The following FANCE variants were observed in gnomAD, a reference collection of about 807,000 sequenced individuals.
FANCE encodes FA complementation group E, also known as Fanconi anemia group E protein.
FANCE carries 42 observed loss-of-function variants against 57.8 expected under a neutral mutation model. That is an observed-to-expected ratio of 0.73 (90% CI 0.57 to 0.94). The LOEUF (loss-of-function observed/expected upper bound fraction) is 0.94. FANCE is among the 40% of genes least tolerant of loss of function. The pLI is 0.00. For missense variants in FANCE, 608 were observed against 661.8 expected (o/e 0.92, Z 0.89); for synonymous variants, 251 against 286.4 (o/e 0.88, Z 1.25).
At chr6:35,457,108 G>A (rs746934079) in intron 2 of FANCE, among the ~76,000 whole-genome samples, 1 of 152,006 alleles carries the variant, frequency 6.6e-6, no homozygotes, top group Non-Finnish European at 1.5e-5. Flanking sequence ...TTTCAAGATA[G>A]AGACTTCATG....
chr6:35,457,954 A>G lies in FANCE; in HGVS notation c.939A>G (p.Leu313=). The G allele has an allele frequency of 6.2e-7, 1 of 1,614,188 alleles. No individual in the cohort carries two copies. Among genetic ancestry groups the G allele is most frequent in the Non-Finnish European group, 8.5e-7 (1 of 1,180,014 alleles). ...EGLEDAPPVE[L]QLLHECSPSQ... is the part of the protein sequence containing the mutation. Reference sequence around the variant, plus strand: ...TGGAGGATGCCCCCCCAGTTGAGCTACAGCTTCTTCACGAATGTAGTCCCA... The same window carrying G: ...TGGAGGATGCCCCCCCAGTTGAGCTGCAGCTTCTTCACGAATGTAGTCCCA... Residue 313 remains leucine, a synonymous_variant, in exon 4 of 10, where the codon CTA becomes CTG. Coordinates refer to ENST00000229769, the MANE Select transcript of FANCE (RefSeq NM_021922.3).
intron 9 of FANCE, 74 bp downstream of exon 9, chr6:35,462,988 T>TA: frequency 6.2e-7 from 1 of 1,601,376 alleles, no homozygotes; most frequent in Non-Finnish European, 8.5e-7. Context: ...GGTGTATGAA[T>TA]ATGTATGTCA....
intron 8 of FANCE, among the ~76,000 whole-genome samples, chr6:35,461,682 C>G (rs1341647420): frequency 2.7e-5 from 4 of 147,172 alleles, no homozygotes; most frequent in African/African-American, 1.0e-4. Flanking sequence ...GAGTCTCGCT[C>G]TGTTGCCCAG....
intron 4 of FANCE, 47 bp from the exon 5 acceptor site, chr6:35,458,250 A>C: frequency 1.2e-6 from 2 of 1,609,398 alleles, no homozygotes; most frequent in South Asian, 1.1e-5. Flanking sequence ...TAGCAGAGGC[A>C]GAGTGCATGT....
chr6:35,457,831 C>T lies in FANCE; in HGVS notation c.901-85C>T, dbSNP rs1051915832. 1.6e-5 allele frequency: 20 copies of T among 1,241,158 alleles called. No homozygotes were observed. In the Admixed American group the frequency reaches 2.2e-4, roughly 14 times the overall value. 76.9% of individuals were successfully genotyped at this position (1,241,158 alleles called of 1,614,324 possible). A position where few individuals can be genotyped will look rare whatever the true frequency, so the allele number is the denominator to read the frequency against. On this transcript the variant is annotated intron_variant, in intron 3 of 9. Transcript: ENST00000229769. ...GGTAGTGCCTTCCAGGATCTCAGGCCACTCCTTCTGCCACCTGAAGGGGTG... is the reference window on the plus strand; with the variant it reads ...GGTAGTGCCTTCCAGGATCTCAGGCTACTCCTTCTGCCACCTGAAGGGGTG...
chr6:35,454,304 G>A (rs761174597), intron 1 of FANCE, among the ~76,000 whole-genome samples: 1 of 152,140 alleles, frequency 6.6e-6, no homozygotes, highest in African/African-American at 2.4e-5. Context: ...CACCCACCTC[G>A]TGATCCACCT....
rs950301098 is a variant in FANCE at position 35,452,610 on chromosome 6, T to C, written c.65T>C (p.Leu22Pro). Reference protein sequence around the residue: ...EGVEPAPWAQLEAPARLLLQA... With the variant: ...EGVEPAPWAQPEAPARLLLQA... ...GTGGAGCCGGCGCCCTGGGCGCAGCTGGAGGCCCCCGCCCGCCTCCTGCTG... is the reference window on the plus strand; with the variant it reads ...GTGGAGCCGGCGCCCTGGGCGCAGCCGGAGGCCCCCGCCCGCCTCCTGCTG... The change falls in exon 1 of 10, where the codon CTG becomes CCG. Residue 22 changes from leucine to proline, a missense_variant. Physicochemically the swap from Leu to Pro is moderately conservative, Grantham distance 98 (BLOSUM62 -3). Transcript: ENST00000229769. 86 of 1,300,006 alleles carry C rather than the reference T, an allele frequency of 6.6e-5. No homozygotes were observed. In the African/African-American group the frequency reaches 1.2e-3, roughly 18 times the overall value. 80.5% of individuals were successfully genotyped at this position (1,300,006 alleles called of 1,614,324 possible). A position where few individuals can be genotyped will look rare whatever the true frequency, so the allele number is the denominator to read the frequency against.
intron 6 of FANCE, 110 bp downstream of exon 6, chr6:35,459,564 C>T (rs1767503364): frequency 1.9e-6 from 3 of 1,583,710 alleles, no homozygotes; most frequent in Non-Finnish European, 1.7e-6. Context: ...TTAAAGATGC[C>T]TGCTGCTTCC....
chr6:35,458,527 A>T, intron 5 of FANCE, 87 bp downstream of exon 5: 1 of 1,520,498 alleles, frequency 6.6e-7, no homozygotes, highest in African/African-American at 1.4e-5. Context: ...GAGAGAGGGG[A>T]TTCCCAGCCT....
At chr6:35,460,017 T>C (rs559134575) in intron 7 of FANCE, among the ~76,000 whole-genome samples, 2 of 152,158 alleles carry the variant, frequency 1.3e-5, no homozygotes, top group South Asian at 4.2e-4. Flanking sequence ...CCTGGGGCTC[T>C]TGAGGTTGTG....
intron 1 of FANCE, 124 bp from the exon 2 acceptor site, chr6:35,455,623 C>CT: frequency 8.4e-7 from 1 of 1,191,674 alleles, no homozygotes; most frequent in East Asian, 2.3e-5. Flanking sequence ...CATCCACTGA[C>CT]TCTTGCAGAT....
At position 35,458,639 on chromosome 6, in the gene FANCE, C is replaced by CTT. The variant is rs1323274711; in HGVS notation, c.1113+214_1113+215dup. On this transcript the variant is annotated intron_variant, in intron 5 of 9. Coordinates refer to ENST00000229769, the MANE Select transcript of FANCE (RefSeq NM_021922.3). ...GGCCATCTACCCACATGGCATCTAACTTTTTTTTTTTTTTTTGAGAGAGAG... is the reference window on the plus strand; with the variant it reads ...GGCCATCTACCCACATGGCATCTAACTTTTTTTTTTTTTTTTTTGAGAGAGAG... Among the ~76,000 whole-genome samples, 1,090 of 142,210 alleles carry CTT rather than the reference C, an allele frequency of 7.7e-3. 6 individuals carry two copies. Among genetic ancestry groups the CTT allele is most frequent in the South Asian group, 0.024 (105 of 4,452 alleles). 93.3% of individuals were successfully genotyped at this position (142,210 alleles called of 152,430 possible).
At chr6:35,466,152 G>T in intron 9 of FANCE, 92 bp from the exon 10 acceptor site, 1 of 819,024 alleles carries the variant, frequency 1.2e-6, no homozygotes. Context: ...CATCCTCCTG[G>T]CCTCCTCTCT....
intron 1 of FANCE, among the ~76,000 whole-genome samples, chr6:35,453,140 T>C (rs747976354): frequency 1.1e-4 from 17 of 152,186 alleles, no homozygotes; most frequent in Non-Finnish European, 2.4e-4. Flanking sequence ...AGTACAAAAA[T>C]AGATACTTAA....
At chr6:35,457,051 C>T (rs1485001037) in intron 2 of FANCE, among the ~76,000 whole-genome samples, 1 of 152,158 alleles carries the variant, frequency 6.6e-6, no homozygotes, top group Non-Finnish European at 1.5e-5. Flanking sequence ...CAATTCTAGA[C>T]AGCTAGGTTT....
rs907056265 is a variant in FANCE at position 35,466,920 on chromosome 6, A to G, written c.*575A>G. 2 of 228,506 alleles carry G rather than the reference A, an allele frequency of 8.8e-6. No homozygotes were observed. Among genetic ancestry groups the G allele is most frequent in the Non-Finnish European group, 8.7e-6 (1 of 114,864 alleles). 14.2% of individuals were successfully genotyped at this position (228,506 alleles called of 1,614,324 possible). ...CATCAATTCTCAGGCTGCAGGGACAAACTTTCCGATAGGGCTCAGTAGGAT... is the reference window on the plus strand; with the variant it reads ...CATCAATTCTCAGGCTGCAGGGACAGACTTTCCGATAGGGCTCAGTAGGAT... On this transcript the variant is annotated 3_prime_UTR_variant, in exon 10 of 10. Coordinates refer to ENST00000229769, the MANE Select transcript of FANCE (RefSeq NM_021922.3).
chr6:35,457,701 TGGGGGA>T (rs1215164448), intron 3 of FANCE, 101 bp downstream of exon 3: 8 of 1,372,442 alleles, frequency 5.8e-6, no homozygotes, highest in Non-Finnish European at 8.2e-6. Context: ...ACAAGCTGGC[TGGGGGA>T]GGGGGACTGG....
chr6:35,457,734 C>G (rs1418165049), intron 3 of FANCE, 134 bp downstream of exon 3: 27 of 1,151,852 alleles, frequency 2.3e-5, no homozygotes, highest in Non-Finnish European at 3.3e-5. Flanking sequence ...GGTCTGAGGA[C>G]AGTCTCTGAA....
rs1767439057 is a variant in FANCE at position 35,458,393 on chromosome 6, A to G, written c.1066A>G (p.Ser356Gly). 7 of 1,613,940 alleles carry G rather than the reference A, an allele frequency of 4.3e-6. No homozygotes were observed. Among genetic ancestry groups the G allele is most frequent in the South Asian group, 1.1e-5 (1 of 91,080 alleles). Residue 356 changes from serine (S) to glycine (G), a missense_variant, in exon 5 of 10, where the codon AGC (serine) becomes GGC (glycine). Physicochemically the swap from Ser to Gly is moderately conservative, Grantham distance 56. Transcript: ENST00000229769. ...TWLLALSPDL[S>G]LSNATVLTRS... The stretch of plus-strand genomic sequence containing the variant: ...GCTGCTGGCCCTTTCACCTGATCTC[A>G]GCCTCAGCAATGCTACTGTGCTGAC...
Sources: gnomAD v4.1 joint callset for allele counts (sites outside exome capture counted in the v4.1 genomes callset) on GRCh38, gnomAD v4.1.1 for gene constraint, MANE v1.5 for transcripts, NCBI Gene and HGNC (gene_info 2026-07-23, HGNC 2026-07-21) for gene names.